The following ZSCAN25 variants were observed in gnomAD, a reference collection of about 807,000 sequenced individuals.
The protein encoded by ZSCAN25 is zinc finger and SCAN domain-containing protein 25.
A neutral mutation model predicts 38.7 loss-of-function variants in ZSCAN25; 27 were observed. The ratio of observed to expected loss-of-function variants is 0.70; its 90% confidence interval spans 0.51 to 0.96. The LOEUF (loss-of-function observed/expected upper bound fraction) is 0.96. Among genes scored for constraint, ZSCAN25 ranks in the 40% least tolerant of loss-of-function variants. The pLI is 0.00. For missense variants in ZSCAN25, 637 were observed against 705.9 expected (o/e 0.90, Z 1.11); for synonymous variants, 273 against 277.7 (o/e 0.98, Z 0.17).
At chr7:99,685,499 C>T in the ZSCAN25 span, among the ~76,000 whole-genome samples, 4 of 152,188 alleles carry the variant, frequency 2.6e-5, no homozygotes, top group African/African-American at 4.8e-5. Context: ...GACAGGCAGT[C>T]GCTGGGCAGG....
the ZSCAN25 span, chr7:99,731,184 G>A: frequency 6.2e-7 from 1 of 1,612,684 alleles, no homozygotes; most frequent in Non-Finnish European, 8.5e-7. Context: ...AGGTCTCAGG[G>A]ATTGTGACTT....
At chr7:99,701,566 C>T in the ZSCAN25 span, among the ~76,000 whole-genome samples, 161 of 152,322 alleles carry the variant, frequency 1.1e-3, 1 homozygote, top group Non-Finnish European at 8.2e-4. Context: ...TTTACACCAA[C>T]AGTGTACGAG....
At chr7:99,636,554 C>T (rs1321141784), downstream of ZSCAN25, among the ~76,000 whole-genome samples, 3 of 152,158 alleles carry the variant, frequency 2.0e-5, no homozygotes, top group East Asian at 5.8e-4. Flanking sequence ...AGATGTCCCG[C>T]TTAATTTTAG....
At chr7:99,646,417 G>A in the ZSCAN25 span, among the ~76,000 whole-genome samples, 3 of 152,074 alleles carry the variant, frequency 2.0e-5, no homozygotes, top group Non-Finnish European at 4.4e-5. Context: ...ATATAGAAGT[G>A]CTACCAATTT....
the ZSCAN25 span, among the ~76,000 whole-genome samples, chr7:99,692,026 C>G: frequency 1.3e-5 from 2 of 152,198 alleles, no homozygotes; most frequent in Non-Finnish European, 2.9e-5. Context: ...TTTGCAGTGT[C>G]TGGTAGCAGT....
At chr7:99,730,908 A>T in the ZSCAN25 span, 4 of 1,024,032 alleles carry the variant, frequency 3.9e-6, no homozygotes, top group Non-Finnish European at 4.2e-6. Context: ...GCCCCAGGGT[A>T]AACTTTGCCA....
the ZSCAN25 span, chr7:99,672,639 G>T: frequency 5.0e-6 from 8 of 1,614,000 alleles, no homozygotes; most frequent in South Asian, 6.6e-5. Flanking sequence ...ATCACGTCGG[G>T]ATCTGTGATG....
chr7:99,656,533 T>TA, the ZSCAN25 span, among the ~76,000 whole-genome samples: 1 of 152,220 alleles, frequency 6.6e-6, no homozygotes, highest in Non-Finnish European at 1.5e-5. Flanking sequence ...GATATTGGTC[T>TA]AAAATTCTCT....
the ZSCAN25 span, chr7:99,667,167 G>T: frequency 2.0e-6 from 2 of 978,864 alleles, no homozygotes; most frequent in South Asian, 1.6e-5. Context: ...AATATTTATT[G>T]ACTGTATATG....
the ZSCAN25 span, among the ~76,000 whole-genome samples, chr7:99,688,809 C>T: frequency 6.6e-6 from 1 of 152,150 alleles, no homozygotes; most frequent in Admixed American, 6.5e-5. Context: ...GAAATTATAA[C>T]AAACTGTCTC....
At chr7:99,731,335 C>T in the ZSCAN25 span, among the ~76,000 whole-genome samples, 2 of 152,158 alleles carry the variant, frequency 1.3e-5, no homozygotes, top group African/African-American at 4.8e-5. Context: ...ATGCTTCCAC[C>T]ATGAGACACC....
the ZSCAN25 span, chr7:99,647,578 A>G: frequency 1.0e-6 from 1 of 985,180 alleles, no homozygotes; most frequent in African/African-American, 1.7e-5. Flanking sequence ...TAAAAATAAT[A>G]AATCATAACT....
chr7:99,650,720 T>C, the ZSCAN25 span, among the ~76,000 whole-genome samples: 1 of 152,144 alleles, frequency 6.6e-6, no homozygotes, highest in East Asian at 1.9e-4. Flanking sequence ...CCTCCTCCTC[T>C]CTACCTTCCC....
At chr7:99,647,697 T>C in the ZSCAN25 span, 3 of 985,448 alleles carry the variant, frequency 3.0e-6, no homozygotes, top group Non-Finnish European at 3.6e-6. Flanking sequence ...TCACAGCAGA[T>C]TAACTCTCAC....
the ZSCAN25 span, chr7:99,714,738 C>T: frequency 1.3e-6 from 2 of 1,591,312 alleles, no homozygotes; most frequent in East Asian, 4.5e-5. Context: ...ACAAAATTTA[C>T]CTGGAGCAAT....
At chr7:99,725,575 C>G in the ZSCAN25 span, among the ~76,000 whole-genome samples, 2 of 152,228 alleles carry the variant, frequency 1.3e-5, no homozygotes, top group Non-Finnish European at 2.9e-5. Flanking sequence ...CCTCAGAAGG[C>G]CCACAGCCTG....
At chr7:99,733,499 C>T in the ZSCAN25 span, among the ~76,000 whole-genome samples, 1 of 152,208 alleles carries the variant, frequency 6.6e-6, no homozygotes, top group East Asian at 1.9e-4. Context: ...ATGGTCTACA[C>T]TATAGCTTCT....
At chr7:99,632,927 A>C (rs182058367), downstream of ZSCAN25, among the ~76,000 whole-genome samples, 116 of 150,576 alleles carry the variant, frequency 7.7e-4, 2 homozygotes, top group East Asian at 0.012. Flanking sequence ...CTTGAGATTT[A>C]TTCATTTTAA....
chr7:99,622,540 C>G lies in ZSCAN25; in HGVS notation c.590-9C>G. On this transcript the variant is annotated splice_polypyrimidine_tract_variant and intron_variant, in intron 5 of 7. Transcript: ENST00000394152. Reference sequence around the variant, plus strand: ...TCTGATCTTTCTCATGCTTTTTGTCCCTGCTCAGCACTACCTGTTCTGCAG... The same window carrying G: ...TCTGATCTTTCTCATGCTTTTTGTCGCTGCTCAGCACTACCTGTTCTGCAG... 1 of 1,613,902 alleles carries G rather than the reference C, an allele frequency of 6.2e-7. No homozygotes were observed. The highest frequency in any genetic ancestry group is 8.5e-7 in the Non-Finnish European group (1 of 1,179,796).
Sources: allele counts gnomAD v4.1 joint callset (sites outside exome capture counted in the v4.1 genomes callset), GRCh38; gene constraint gnomAD v4.1.1; transcripts MANE v1.5; gene names NCBI Gene and HGNC (gene_info 2026-07-23, HGNC 2026-07-21).